The following NR1I2 variants were observed in gnomAD, a reference collection of about 807,000 sequenced individuals.
NR1I2 encodes the protein nuclear receptor subfamily 1 group I member 2.
In NR1I2, 42 loss-of-function variants were observed where a neutral mutation model predicts 43.3. The observed-to-expected ratio is 0.97, with a 90% CI of 0.76 to 1.26. The LOEUF is 1.26. NR1I2 is among the 50% of genes most tolerant of loss of function. NR1I2 has a pLI of 0.00. For missense variants in NR1I2, 559 were observed against 566.7 expected, an observed-to-expected ratio of 0.99 and a Z score of 0.14; for synonymous variants, 229 against 215.0, an observed-to-expected ratio of 1.06 and a Z score of -0.57.
At position 119,815,693 on chromosome 3, in the gene NR1I2, C is replaced by T. The variant is rs1446832336; in HGVS notation, c.1055-33C>T. The T allele has an allele frequency of 5.8e-6, 9 of 1,561,296 alleles. No individual in the cohort carries two copies. In the Admixed American group the frequency reaches 1.2e-4, roughly 21 times the overall value. The stretch of plus-strand genomic sequence containing the variant: ...GGCTGGACTGAGCTTGTCTTTGCCC[C>T]ATGATCTTGCACCACACCTCCCTCC... On this transcript the variant is annotated intron_variant, in intron 7 of 8. Coordinates refer to ENST00000393716, the MANE Select transcript of NR1I2 (RefSeq NM_003889.4).
At chr3:119,793,083 A>G (rs1472707621) in intron 1 of NR1I2, among the ~76,000 whole-genome samples, 1 of 152,048 alleles carries the variant, frequency 6.6e-6, no homozygotes, top group East Asian at 1.9e-4. Flanking sequence ...GCTGTGTGAC[A>G]TGCCGGCTCG....
chr3:119,805,474 G>A (rs865845668), intron 1 of NR1I2, among the ~76,000 whole-genome samples: 52 of 152,016 alleles, frequency 3.4e-4, no homozygotes, highest in African/African-American at 1.1e-3. Flanking sequence ...AGGCTGAGGC[G>A]GGCAGATCAC....
chr3:119,816,156 C>T (rs1179380296), intron 8 of NR1I2, among the ~76,000 whole-genome samples: 5 of 152,232 alleles, frequency 3.3e-5, no homozygotes, highest in African/African-American at 1.2e-4. Flanking sequence ...AAGGCCAACA[C>T]TGAGTATTAT....
intron 3 of NR1I2, 132 bp downstream of exon 3, chr3:119,810,326 T>C (rs1003640835): frequency 7.3e-7 from 1 of 1,369,022 alleles, no homozygotes; most frequent in Non-Finnish European, 9.8e-7. Flanking sequence ...ACATGTGAGC[T>C]GGTGTCCGTG....
At chr3:119,811,939 C>T (rs890344228) in intron 4 of NR1I2, among the ~76,000 whole-genome samples, 1 of 152,224 alleles carries the variant, frequency 6.6e-6, no homozygotes, top group African/African-American at 2.4e-5. Context: ...GGGTCAGCAG[C>T]ATCAGCATGC....
Position 119,817,856 on chromosome 3 carries a change from C to T in NR1I2, c.*644C>T, listed in dbSNP as rs2055351710. The T allele has an allele frequency of 2.0e-6, 2 of 993,670 alleles. No individual in the cohort carries two copies. Among genetic ancestry groups the T allele is most frequent in the Non-Finnish European group, 2.4e-6 (2 of 834,232 alleles). The allele number at this position is 993,670 out of a possible 1,614,324, so 61.6% of individuals were successfully genotyped here. ...TTCTGTGTCTCTGCATCCATTTGAACACATTATTAAGCACCGATAATAGGT... is the reference window on the plus strand; with the variant it reads ...TTCTGTGTCTCTGCATCCATTTGAATACATTATTAAGCACCGATAATAGGT... On this transcript the variant is annotated 3_prime_UTR_variant, in exon 9 of 9. Coordinates refer to ENST00000393716, the MANE Select transcript of NR1I2 (RefSeq NM_003889.4).
At chr3:119,808,945 A>G (rs2055197070) in intron 2 of NR1I2, among the ~76,000 whole-genome samples, 1 of 152,226 alleles carries the variant, frequency 6.6e-6, no homozygotes, top group African/African-American at 2.4e-5. Flanking sequence ...TACCCAGGCC[A>G]GTTGGGAAGG....
At chr3:119,807,604 G>A (rs1307379893) in intron 2 of NR1I2, among the ~76,000 whole-genome samples, 157 bp downstream of exon 2, 1 of 152,196 alleles carries the variant, frequency 6.6e-6, no homozygotes, top group East Asian at 1.9e-4. Flanking sequence ...TTATATCCCA[G>A]AGGAATCCTT....
chr3:119,811,924 T>G (rs2055249535), intron 4 of NR1I2, among the ~76,000 whole-genome samples, 198 bp downstream of exon 4: 1 of 152,188 alleles, frequency 6.6e-6, no homozygotes, highest in Non-Finnish European at 1.5e-5. Context: ...GAAAGTGTGG[T>G]CCCTGGGTCA....
At chr3:119,804,037 C>T (rs1177195199) in intron 1 of NR1I2, among the ~76,000 whole-genome samples, 1 of 151,396 alleles carries the variant, frequency 6.6e-6, no homozygotes, top group Admixed American at 6.6e-5. Flanking sequence ...GGATTACAGG[C>T]GTGAGCCACC....
chr3:119,799,997 C>A (rs1402638743), intron 1 of NR1I2, among the ~76,000 whole-genome samples: 3 of 152,054 alleles, frequency 2.0e-5, no homozygotes, highest in African/African-American at 7.2e-5. Context: ...CACACACACA[C>A]ACACACACAC....
chr3:119,783,306 T>G (rs992504502), intron 1 of NR1I2, among the ~76,000 whole-genome samples: 8 of 152,182 alleles, frequency 5.3e-5, no homozygotes, highest in African/African-American at 1.9e-4. Context: ...AAATGAAGCT[T>G]TATTGGAACA....
chr3:119,782,905 T>A, intron 1 of NR1I2: 1 of 1,443,448 alleles, frequency 6.9e-7, no homozygotes, highest in Non-Finnish European at 9.8e-7. Context: ...CAGAACCGAG[T>A]CTTGCCTGCA....
At chr3:119,808,007 G>T (rs2107969751) in intron 2 of NR1I2, among the ~76,000 whole-genome samples, 1 of 152,330 alleles carries the variant, frequency 6.6e-6, no homozygotes, top group East Asian at 1.9e-4. Flanking sequence ...GTTCTTCGTG[G>T]TGGCTGGGCA....
chr3:119,814,914 T>C, intron 5 of NR1I2, 65 bp from the exon 6 acceptor site: 2 of 1,605,940 alleles, frequency 1.2e-6, no homozygotes, highest in Admixed American at 3.3e-5. Context: ...ATGGGATGGC[T>C]GCTGGTGCCG....
chr3:119,808,621 C>T (rs1297417436), intron 2 of NR1I2, among the ~76,000 whole-genome samples: 1 of 152,212 alleles, frequency 6.6e-6, no homozygotes, highest in Admixed American at 6.5e-5. Flanking sequence ...GGTACTATTC[C>T]TGGGACTCTC....
chr3:119,811,284 C>A (rs2055237089), intron 3 of NR1I2: 2 of 441,494 alleles, frequency 4.5e-6, no homozygotes, highest in South Asian at 4.1e-5. Flanking sequence ...CTTGCCAGGG[C>A]CCCACAGTGT....
chr3:119,798,048 T>A (rs1378641809), intron 1 of NR1I2, among the ~76,000 whole-genome samples: 1 of 152,180 alleles, frequency 6.6e-6, no homozygotes, highest in Non-Finnish European at 1.5e-5. Context: ...TTTTACGATG[T>A]GTGGGTAGGT....
At position 119,805,428 on chromosome 3, in the gene NR1I2, C is replaced by T. The variant is rs141627941; in HGVS notation, c.-22-1801C>T. ...ATTTCTGGCCAGACGCGGTGGCTCA[C>T]GCCTGTAATCCCAGCACTTTGGGAG... is the stretch of plus-strand genomic sequence containing the variant. On this transcript the variant is annotated intron_variant, in intron 1 of 8. Coordinates refer to ENST00000393716, the MANE Select transcript of NR1I2 (RefSeq NM_003889.4). Among the ~76,000 whole-genome samples, 341 of 152,172 alleles carry T rather than the reference C, an allele frequency of 2.2e-3. 1 individual carries two copies. The highest frequency in any genetic ancestry group is 7.7e-3 in the African/African-American group (321 of 41,528).
Sources: allele counts gnomAD v4.1 joint callset (sites outside exome capture counted in the v4.1 genomes callset), GRCh38; gene constraint gnomAD v4.1.1; transcripts MANE v1.5; gene names NCBI Gene and HGNC (gene_info 2026-07-23, HGNC 2026-07-21).